KCNH5: variants seen among roughly 807,000 people sequenced by gnomAD.
KCNH5 encodes voltage-gated delayed rectifier potassium channel KCNH5.
Under a neutral mutation model 96.1 loss-of-function variants are expected in KCNH5, and 46 were observed. That is an observed-to-expected ratio of 0.48 (90% CI 0.38 to 0.61). The LOEUF is 0.61. KCNH5 is among the 20% of genes least tolerant of loss of function. The probability of loss-of-function intolerance (pLI) is 0.00; values close to 1 mark genes in which losing one functional copy is unlikely to be tolerated. For missense variants in KCNH5, 907 were observed against 1,225.8 expected, an observed-to-expected ratio of 0.74 and a Z score of 3.88; for synonymous variants, 439 against 449.8, an observed-to-expected ratio of 0.98 and a Z score of 0.30.
At chr14:62,752,732 G>A (rs1277414298) in intron 10 of KCNH5, among the ~76,000 whole-genome samples, 12 of 152,088 alleles carry the variant, frequency 7.9e-5, no homozygotes, top group Admixed American at 6.5e-4. Flanking sequence ...CCCCCATGCT[G>A]TTCTCATGAT....
intron 10 of KCNH5, among the ~76,000 whole-genome samples, chr14:62,749,280 T>A (rs1277898208): frequency 1.3e-5 from 2 of 152,234 alleles, no homozygotes. Flanking sequence ...GGTCACTGAT[T>A]GGCTCACAGG....
intron 7 of KCNH5, among the ~76,000 whole-genome samples, chr14:62,851,604 T>C (rs1447545238): frequency 6.6e-6 from 1 of 151,494 alleles, no homozygotes. Flanking sequence ...AAATTAATGA[T>C]AGCAGAATCA....
chr14:62,758,135 C>T (rs915826023), intron 10 of KCNH5, among the ~76,000 whole-genome samples: 3 of 138,970 alleles, frequency 2.2e-5, no homozygotes, highest in African/African-American at 7.9e-5. Flanking sequence ...CAGAGCGAGA[C>T]TCCATCTCAA....
At chr14:62,966,659 T>G (rs190333642) in intron 6 of KCNH5, among the ~76,000 whole-genome samples, 5 of 152,320 alleles carry the variant, frequency 3.3e-5, no homozygotes, top group African/African-American at 1.2e-4. Flanking sequence ...ATGGTTTGAT[T>G]TTTTTATTAC....
chr14:62,816,840 T>G (rs886567958), intron 8 of KCNH5, among the ~76,000 whole-genome samples: 4 of 151,590 alleles, frequency 2.6e-5, no homozygotes, highest in Admixed American at 2.0e-4. Flanking sequence ...TCTTTTTCAT[T>G]CTTTTTTCTT....
chr14:62,736,142 T>C (rs1885151155), intron 10 of KCNH5, among the ~76,000 whole-genome samples: 1 of 152,176 alleles, frequency 6.6e-6, no homozygotes, highest in East Asian at 1.9e-4. Flanking sequence ...GCTTGGGTTG[T>C]TGCAAGACTT....
At chr14:62,760,137 A>C (rs1333469122) in intron 10 of KCNH5, among the ~76,000 whole-genome samples, 1 of 152,178 alleles carries the variant, frequency 6.6e-6, no homozygotes, top group Non-Finnish European at 1.5e-5. Context: ...CTGGCACAGG[A>C]GACTCTCTGC....
intron 6 of KCNH5, among the ~76,000 whole-genome samples, chr14:62,974,189 C>A (rs180754967): frequency 1.3e-5 from 2 of 152,252 alleles, no homozygotes; most frequent in South Asian, 4.2e-4. Context: ...TATCTTTTCC[C>A]AATTTCATTT....
intron 8 of KCNH5, among the ~76,000 whole-genome samples, chr14:62,818,109 C>A (rs56115078): frequency 1.9e-4 from 7 of 36,116 alleles, no homozygotes; most frequent in Non-Finnish European, 2.7e-4. Context: ...GAGCTGGGGG[C>A]GGGGGGGGGG....
intron 4 of KCNH5, among the ~76,000 whole-genome samples, chr14:62,993,914 C>G (rs1890859843): frequency 6.6e-6 from 1 of 152,050 alleles, no homozygotes; most frequent in Non-Finnish European, 1.5e-5. Flanking sequence ...AATACTTGCT[C>G]TGTAAGTTGT....
chr14:62,729,413 C>T (rs1364392112), intron 10 of KCNH5, among the ~76,000 whole-genome samples: 1 of 152,156 alleles, frequency 6.6e-6, no homozygotes, highest in African/African-American at 2.4e-5. Flanking sequence ...GACATATGAA[C>T]ACTACATATA....
At chr14:63,020,120 G>C (rs951363737) in intron 1 of KCNH5, among the ~76,000 whole-genome samples, 1 of 152,082 alleles carries the variant, frequency 6.6e-6, no homozygotes, top group Non-Finnish European at 1.5e-5. Context: ...AAAGCACAAC[G>C]ATATACTGCT....
intron 1 of KCNH5, among the ~76,000 whole-genome samples, chr14:63,021,778 C>T (rs1891432029): frequency 2.6e-5 from 4 of 152,084 alleles, no homozygotes; most frequent in African/African-American, 7.2e-5. Flanking sequence ...AATTCAGAAG[C>T]GTTGGTAACC....
chr14:62,996,079 G>A (rs552681435), intron 4 of KCNH5, among the ~76,000 whole-genome samples: 5 of 152,184 alleles, frequency 3.3e-5, no homozygotes, highest in Admixed American at 3.3e-4. Flanking sequence ...TCATGTCATC[G>A]CACCCATTAT....
In KCNH5 at chr14:62,999,511, C is replaced by T. The variant is rs529550659; in HGVS notation, c.433+1820G>A. Reference sequence around the variant, plus strand: ...GGATTAAGAGAATGTGGCACATACACACCATGGAATACTATGCAGCCATAA... The same window carrying T: ...GGATTAAGAGAATGTGGCACATACATACCATGGAATACTATGCAGCCATAA... On this transcript the variant is annotated intron_variant, in intron 4 of 10. Transcript: ENST00000322893. Among the ~76,000 whole-genome samples, 68 of 152,052 alleles carry T rather than the reference C, an allele frequency of 4.5e-4. No homozygotes were observed. The South Asian group carries it at 5.4e-3, about 12-fold the overall frequency.
In KCNH5 at chr14:63,038,986, A is replaced by G. The variant is rs532891530; in HGVS notation, c.73+6128T>C. 1.2e-4 allele frequency among the ~76,000 whole-genome samples: 18 copies of G among 151,188 alleles called. 1 individual carries two copies. Among genetic ancestry groups the G allele is most frequent in the Admixed American group, 1.2e-3 (18 of 15,138 alleles). ...CATTTTCTAGAATACTTTCTAGAACACTACTTTCTTTGACCTCAATTTCCA... is the reference window on the plus strand; with the variant it reads ...CATTTTCTAGAATACTTTCTAGAACGCTACTTTCTTTGACCTCAATTTCCA... On this transcript the variant is annotated intron_variant, in intron 1 of 10. Transcript: ENST00000322893.
chr14:62,888,004 C>T (rs1384472024), intron 7 of KCNH5, among the ~76,000 whole-genome samples: 1 of 152,124 alleles, frequency 6.6e-6, no homozygotes, highest in Non-Finnish European at 1.5e-5. Flanking sequence ...AATCTTTTTA[C>T]TAATTCTAAC....
rs568941043 is a variant in KCNH5 at position 62,997,899 on chromosome 14, C to CAAAAA, written c.433+3427_433+3431dup. Among the ~76,000 whole-genome samples, 49 of 60,796 alleles carry CAAAAA rather than the reference C, an allele frequency of 8.1e-4. 2 individuals carry two copies. The highest frequency in any genetic ancestry group is 9.8e-3 in the Middle Eastern group (1 of 102). 39.9% of individuals were successfully genotyped at this position (60,796 alleles called of 152,430 possible). A position where few individuals can be genotyped will look rare whatever the true frequency, so the allele number is the denominator to read the frequency against. On this transcript the variant is annotated intron_variant, in intron 4 of 10. Transcript: ENST00000322893. ...TGGGGGACAGAGCCAGACTCCATCT[C>CAAAAA]AAAAAAAAAAAAAAAAAAAAATTAA...
chr14:62,709,017 G>A (rs544957850), intron 10 of KCNH5, among the ~76,000 whole-genome samples: 23 of 151,738 alleles, frequency 1.5e-4, no homozygotes, highest in African/African-American at 5.6e-4. Context: ...AGGCCGAGGC[G>A]GGCGGACCAC....
Sources: gnomAD v4.1 joint callset for allele counts (sites outside exome capture counted in the v4.1 genomes callset) on GRCh38, gnomAD v4.1.1 for gene constraint, MANE v1.5 for transcripts, NCBI Gene and HGNC (gene_info 2026-07-23, HGNC 2026-07-21) for gene names.